Variants in TLN2 observed in about 807,000 individuals in gnomAD.
TLN2 encodes talin 2.
Under a neutral mutation model 294.7 loss-of-function variants are expected in TLN2, and 118 were observed. The observed-to-expected ratio is 0.40, with a 90% confidence interval of 0.34 to 0.47. The LOEUF is 0.47. TLN2 is among the 20% of genes least tolerant of loss of function. TLN2 has a pLI of 0.84. For synonymous variants in TLN2, 1,431 were observed against 1,304.5 expected (o/e 1.10, Z -2.09); for missense variants, 3,083 against 3,282.2 (o/e 0.94, Z 1.48).
At chr15:62,838,823 A>AATGATATAATGT in intron 57 of TLN2, 33 bp from the exon 58 acceptor site, 1 of 1,600,132 alleles carries the variant, frequency 6.2e-7, no homozygotes, top group South Asian at 1.1e-5. Flanking sequence ...GGCTGTTTCT[A>AATGATATAATGT]ATGATATAAT....
intron 54 of TLN2, chr15:62,828,222 G>C (rs775995293): frequency 1.3e-5 from 2 of 152,360 alleles, no homozygotes; most frequent in Non-Finnish European, 2.9e-5. Context: ...GTCAACTACA[G>C]GGTACTCAGA....
intron 1 of TLN2, among the ~76,000 whole-genome samples, chr15:62,445,985 T>C (rs1286027964): frequency 2.0e-5 from 3 of 149,386 alleles, no homozygotes; most frequent in African/African-American, 7.3e-5. Flanking sequence ...AGCTCTGTAG[T>C]CTTTTTTTTT....
intron 1 of TLN2, among the ~76,000 whole-genome samples, chr15:62,480,935 G>T (rs1017687771): frequency 6.6e-6 from 1 of 152,134 alleles, no homozygotes; most frequent in African/African-American, 2.4e-5. Context: ...CATTCGAAAT[G>T]TCCCCACCCC....
intron 3 of TLN2, among the ~76,000 whole-genome samples, chr15:62,645,533 G>C (rs2051726068): frequency 6.6e-6 from 1 of 152,224 alleles, no homozygotes; most frequent in South Asian, 2.1e-4. Context: ...CAAAGCATCT[G>C]TTGAAAAACA....
chr15:62,703,705 C>T (rs1012112096), intron 19 of TLN2, among the ~76,000 whole-genome samples: 2 of 151,916 alleles, frequency 1.3e-5, no homozygotes, highest in African/African-American at 4.8e-5. Flanking sequence ...TTTTTTGTGT[C>T]TTATCCAAAA....
intron 57 of TLN2, chr15:62,838,243 G>A (rs191562163): frequency 6.6e-6 from 1 of 152,320 alleles, no homozygotes; most frequent in African/African-American, 2.4e-5. Flanking sequence ...AAAGCCTTCA[G>A]TGAGCACCAA....
At chr15:62,671,224 A>G (rs1256482803) in intron 9 of TLN2, among the ~76,000 whole-genome samples, 2 of 151,996 alleles carry the variant, frequency 1.3e-5, no homozygotes, top group African/African-American at 2.4e-5. Context: ...CCCCCATTCT[A>G]TGGATTGTAT....
At chr15:62,644,845 G>C (rs550685406) in intron 3 of TLN2, 7 of 311,148 alleles carry the variant, frequency 2.2e-5, no homozygotes, top group South Asian at 2.0e-4. Context: ...TGCATGGTTA[G>C]GGGGACCATT....
intron 1 of TLN2, among the ~76,000 whole-genome samples, chr15:62,587,148 G>A (rs967209900): frequency 2.0e-5 from 3 of 152,310 alleles, no homozygotes; most frequent in East Asian, 3.9e-4. Flanking sequence ...TTTGAGGAAG[G>A]TAACTCCCTA....
intron 50 of TLN2, among the ~76,000 whole-genome samples, chr15:62,802,081 C>A (rs2065963985): frequency 6.6e-6 from 1 of 151,874 alleles, no homozygotes; most frequent in Non-Finnish European, 1.5e-5. Context: ...TAGCCATTAT[C>A]CCTCCCCACT....
chr15:62,674,833 C>T (rs1221059676), intron 10 of TLN2, among the ~76,000 whole-genome samples: 1 of 152,192 alleles, frequency 6.6e-6, no homozygotes, highest in Non-Finnish European at 1.5e-5. Flanking sequence ...AGAATGACAC[C>T]TCTCCTGATA....
intron 37 of TLN2, among the ~76,000 whole-genome samples, chr15:62,757,070 G>C (rs1439244078): frequency 1.3e-5 from 2 of 152,172 alleles, no homozygotes; most frequent in Non-Finnish European, 2.9e-5. Flanking sequence ...ATTTAAAAAT[G>C]TTTATTTTGT....
At chr15:62,683,084 G>A (rs2056973873) in intron 11 of TLN2, 1 of 152,292 alleles carries the variant, frequency 6.6e-6, no homozygotes, top group Non-Finnish European at 1.5e-5. Flanking sequence ...ACTGAAGACA[G>A]AGTAAAACAT....
chr15:62,757,354 G>A (rs1567539109), intron 37 of TLN2, among the ~76,000 whole-genome samples: 1 of 152,224 alleles, frequency 6.6e-6, no homozygotes, highest in Non-Finnish European at 1.5e-5. Context: ...GTTTGGGGAG[G>A]TAAGGGTGGA....
intron 1 of TLN2, among the ~76,000 whole-genome samples, chr15:62,547,951 C>G (rs565407518): frequency 2.0e-5 from 3 of 152,286 alleles, no homozygotes; most frequent in Admixed American, 6.5e-5. Flanking sequence ...TCGCATTTTG[C>G]ATCTGCCTAT....
In TLN2 at chr15:62,820,438, C is replaced by G. The variant is rs776434315; in HGVS notation, c.6878-48C>G. On this transcript the variant is annotated intron_variant, in intron 53 of 58. Coordinates refer to ENST00000636159, the MANE Select transcript of TLN2 (RefSeq NM_015059.3). Reference sequence around the variant, plus strand: ...TAGTGTTTTTAATTAAGCCAGTGCCCTGAGGTCTGCAGCTATGAAGAATCA... The same window carrying G: ...TAGTGTTTTTAATTAAGCCAGTGCCGTGAGGTCTGCAGCTATGAAGAATCA... 3.1e-6 allele frequency: 5 copies of G among 1,604,410 alleles called. No homozygotes were observed. The South Asian group carries it at 5.5e-5, about 18-fold the overall frequency.
At chr15:62,522,933 A>G (rs2040533220) in intron 1 of TLN2, among the ~76,000 whole-genome samples, 1 of 140,352 alleles carries the variant, frequency 7.1e-6, no homozygotes, top group Non-Finnish European at 1.5e-5. Flanking sequence ...TCTGCCCTGA[A>G]TGTGGCTTAC....
chr15:62,620,729 A>T, intron 3 of TLN2, among the ~76,000 whole-genome samples: 1 of 145,468 alleles, frequency 6.9e-6, no homozygotes. Context: ...CGATCCTCCC[A>T]CCTTGGCCTC....
chr15:62,591,306 A>C (rs2046058615), intron 2 of TLN2, among the ~76,000 whole-genome samples: 1 of 152,172 alleles, frequency 6.6e-6, no homozygotes, highest in Non-Finnish European at 1.5e-5. Flanking sequence ...TGGTCTGAGA[A>C]CTGGTGTTTG....
Sources: allele counts gnomAD v4.1 joint callset (sites outside exome capture counted in the v4.1 genomes callset), GRCh38; gene constraint gnomAD v4.1.1; transcripts MANE v1.5; gene names NCBI Gene and HGNC (gene_info 2026-07-23, HGNC 2026-07-21).